Variants in PLLP observed in about 807,000 individuals in gnomAD.
PLLP encodes plasma membrane proteolipid (plasmolipin).
PLLP carries 15 observed loss-of-function variants against 19.7 expected under a neutral mutation model. The ratio of observed to expected loss-of-function variants is 0.76; its 90% CI spans 0.51 to 1.17. PLLP has a LOEUF of 1.17. Ranked by LOEUF, PLLP falls within the 50% of genes most tolerant of loss-of-function variation. The probability of loss-of-function intolerance (pLI) is 0.00; values close to 1 mark genes in which losing one functional copy is unlikely to be tolerated. For missense variants in PLLP, 255 were observed against 258.3 expected, an observed-to-expected ratio of 0.99 and a Z score of 0.09; for synonymous variants, 111 against 116.3, an observed-to-expected ratio of 0.95 and a Z score of 0.29.
At position 57,273,103 on chromosome 16, in the gene PLLP, A is replaced by G. The variant is rs147170736; in HGVS notation, c.136-11033T>C. On this transcript the variant is annotated intron_variant, in intron 1 of 3. Coordinates refer to ENST00000219207, the MANE Select transcript of PLLP (RefSeq NM_015993.3). ...GAAACCCCGTCTCTACTAAAAAAAT[A>G]CAAAAAATTAGCCGGGCACGGTGGC... Among the ~76,000 whole-genome samples the G allele has an allele frequency of 3.0e-4, 46 of 152,072 alleles. No homozygotes were observed. The East Asian group carries it at 8.9e-3, about 29-fold the overall frequency.
intron 1 of PLLP, among the ~76,000 whole-genome samples, chr16:57,275,112 C>T (rs1204649840): frequency 8.4e-6 from 1 of 119,212 alleles, no homozygotes; most frequent in African/African-American, 3.1e-5. Flanking sequence ...CACACACACA[C>T]ACACACACAC....
intron 2 of PLLP, 77 bp downstream of exon 2, chr16:57,261,820 C>CA (rs1369460528): frequency 1.5e-5 from 20 of 1,359,144 alleles, no homozygotes; most frequent in African/African-American, 4.3e-5. Context: ...GCCACCCCCC[C>CA]ACACCCTGCC....
chr16:57,266,863 C>CCTT (rs2075458982), intron 1 of PLLP, among the ~76,000 whole-genome samples: 2 of 97,336 alleles, frequency 2.1e-5, no homozygotes, highest in African/African-American at 3.9e-5. Context: ...GGCACAGGGC[C>CCTT]TTTTTTTTTT....
rs200960257 is a variant in PLLP, at chr16:57,261,917, T to C, written c.289A>G (p.Met97Val). 323 of 1,613,720 alleles carry C rather than the reference T, an allele frequency of 2.0e-4. No homozygotes were observed. Among genetic ancestry groups the C allele is most frequent in the Non-Finnish European group, 2.5e-4 (297 of 1,179,962 alleles). The change falls in exon 2 of 4, where the codon ATG (methionine) becomes GTG (valine). Residue 97 changes from methionine (M) to valine (V), a missense_variant. Coordinates refer to ENST00000219207, the MANE Select transcript of PLLP (RefSeq NM_015993.3). The stretch of plus-strand genomic sequence containing the variant: ...CTCACCACCAGTGGCCAGGGAACCA[T>C]GTACAACTTCATGTGCAGCTGAAAC... Reference protein sequence around the residue: ...YLFQLHMKLYMVPWPLVLMIF... With the variant: ...YLFQLHMKLYVVPWPLVLMIF...
intron 3 of PLLP, among the ~76,000 whole-genome samples, chr16:57,257,543 C>T (rs2075429567): frequency 6.6e-6 from 1 of 152,240 alleles, no homozygotes; most frequent in East Asian, 1.9e-4. Context: ...CCAGGCCTGG[C>T]GTCCAACTTC....
At chr16:57,275,615 A>C (rs571550443) in intron 1 of PLLP, among the ~76,000 whole-genome samples, 6 of 148,474 alleles carry the variant, frequency 4.0e-5, no homozygotes, top group Admixed American at 6.8e-5. Context: ...AAAAAAAAAA[A>C]AACACTACAA....
At chr16:57,263,764 G>A (rs960025803) in intron 1 of PLLP, among the ~76,000 whole-genome samples, 8 of 151,270 alleles carry the variant, frequency 5.3e-5, no homozygotes, top group Non-Finnish European at 1.2e-4. Context: ...TCTGGAGAGC[G>A]CCTTCTCCAC....
At chr16:57,279,678 GAAA>G (rs141312419) in intron 1 of PLLP, among the ~76,000 whole-genome samples, 1 of 142,412 alleles carries the variant, frequency 7.0e-6, no homozygotes. Flanking sequence ...TTGTCTCGAG[GAAA>G]AAAAAAAAAA....
intron 2 of PLLP, among the ~76,000 whole-genome samples, chr16:57,261,423 A>G (rs774062460): frequency 1.3e-5 from 2 of 152,118 alleles, no homozygotes; most frequent in Non-Finnish European, 2.9e-5. Flanking sequence ...ATGGTTCCCC[A>G]AAAAACCGTG....
intron 1 of PLLP, among the ~76,000 whole-genome samples, chr16:57,264,643 A>G (rs965846375): frequency 2.6e-5 from 4 of 152,186 alleles, no homozygotes; most frequent in Non-Finnish European, 4.4e-5. Flanking sequence ...CCAGGCGTTC[A>G]AGACCCCATC....
chr16:57,283,311 G>C (rs1474068746), intron 1 of PLLP, among the ~76,000 whole-genome samples: 1 of 152,050 alleles, frequency 6.6e-6, no homozygotes, highest in Non-Finnish European at 1.5e-5. Flanking sequence ...AGATAGCACT[G>C]ACCCAGGTAG....
intron 1 of PLLP, among the ~76,000 whole-genome samples, chr16:57,274,854 C>T (rs1394328530): frequency 8.6e-5 from 13 of 151,384 alleles, no homozygotes; most frequent in Non-Finnish European, 1.5e-4. Context: ...CTCCGCCTCC[C>T]GGGTTCACAC....
At chr16:57,283,243 G>A (rs566041700) in intron 1 of PLLP, among the ~76,000 whole-genome samples, 4 of 151,982 alleles carry the variant, frequency 2.6e-5, no homozygotes, top group Non-Finnish European at 2.9e-5. Context: ...AAACAAACCC[G>A]CCAGGAGATT....
intron 1 of PLLP, among the ~76,000 whole-genome samples, chr16:57,274,545 G>A (rs1325192995): frequency 2.7e-5 from 4 of 149,568 alleles, no homozygotes; most frequent in Admixed American, 6.7e-5. Context: ...CTCTGCCTCC[G>A]GGGTTCAAGC....
chr16:57,262,161 C>G, intron 1 of PLLP, 91 bp from the exon 2 acceptor site: 1 of 1,280,390 alleles, frequency 7.8e-7, no homozygotes, highest in East Asian at 2.4e-5. Context: ...GTGGCTCATG[C>G]CTGTAATGTC....
chr16:57,264,960 C>G (rs757989160), intron 1 of PLLP, among the ~76,000 whole-genome samples: 2 of 152,256 alleles, frequency 1.3e-5, no homozygotes, highest in Non-Finnish European at 2.9e-5. Context: ...CTTGCCTCCC[C>G]CCAACCCAAG....
At position 57,265,540 on chromosome 16, in the gene PLLP, CAT is replaced by C. The variant is rs1348832310; in HGVS notation, c.136-3472_136-3471del. On this transcript the variant is annotated intron_variant, in intron 1 of 3. Transcript: ENST00000219207. Reference sequence around the variant, plus strand: ...AAAGACCAATTCAGGTTTCCACTATCATATGCCTATCAATCACCTGTCCCATG... The same window carrying C: ...AAAGACCAATTCAGGTTTCCACTATCATGCCTATCAATCACCTGTCCCATG... 4.6e-5 allele frequency among the ~76,000 whole-genome samples: 7 copies of C among 152,366 alleles called. No individual in the cohort carries two copies. The East Asian group carries it at 1.3e-3, about 29-fold the overall frequency.
chr16:57,275,007 C>T (rs561213381), intron 1 of PLLP, among the ~76,000 whole-genome samples: 20 of 150,870 alleles, frequency 1.3e-4, no homozygotes, highest in Non-Finnish European at 2.5e-4. Flanking sequence ...GTGATCCGCC[C>T]GCCTCGGCCT....
chr16:57,270,086 C>T (rs2075469502), intron 1 of PLLP, among the ~76,000 whole-genome samples: 1 of 152,162 alleles, frequency 6.6e-6, no homozygotes, highest in African/African-American at 2.4e-5. Context: ...GCTTTTTAAA[C>T]ATGGGTGACT....
Sources: allele counts gnomAD v4.1 joint callset (sites outside exome capture counted in the v4.1 genomes callset), GRCh38; gene constraint gnomAD v4.1.1; transcripts MANE v1.5; gene names NCBI Gene and HGNC (gene_info 2026-07-23, HGNC 2026-07-21).